ITPK1: variants seen among roughly 807,000 people sequenced by gnomAD.
ITPK1 encodes the protein inositol 1,3,4-trisphosphate 5/6-kinase.
A neutral mutation model predicts 45.3 loss-of-function variants in ITPK1; 21 were observed. The observed-to-expected ratio is 0.46, with a 90% confidence interval of 0.33 to 0.67. ITPK1 has a LOEUF of 0.67. ITPK1 is among the 30% of genes least tolerant of loss of function. ITPK1 has a pLI of 0.02. For missense variants in ITPK1, 474 were observed against 573.5 expected (o/e 0.83, Z 1.77); for synonymous variants, 258 against 253.6 (o/e 1.02, Z -0.16).
At chr14:93,035,163 C>A (rs1329796769) in intron 3 of ITPK1, among the ~76,000 whole-genome samples, 1 of 152,248 alleles carries the variant, frequency 6.6e-6, no homozygotes, top group Non-Finnish European at 1.5e-5. Flanking sequence ...GGACCTTGGT[C>A]ACATTACGTT....
chr14:93,017,492 A>G (rs190562380), intron 3 of ITPK1, among the ~76,000 whole-genome samples: 1 of 152,354 alleles, frequency 6.6e-6, no homozygotes, highest in Non-Finnish European at 1.5e-5. Flanking sequence ...TCAGGCCCCA[A>G]GAGAGCCAGA....
At chr14:93,078,861 T>C (rs1837522043) in intron 2 of ITPK1, among the ~76,000 whole-genome samples, 1 of 152,130 alleles carries the variant, frequency 6.6e-6, no homozygotes, top group South Asian at 2.1e-4. Context: ...GCAGAGGACC[T>C]TGAGGAGCCA....
rs376154416 is a variant in ITPK1, at chr14:93,056,924, T to C, written c.120+19671A>G. ...CCATGCAAGCATTTTTCAAGCATGATGTTTCAAGGCTAAAAACAGGCCCTG... is the reference window on the plus strand; with the variant it reads ...CCATGCAAGCATTTTTCAAGCATGACGTTTCAAGGCTAAAAACAGGCCCTG... On this transcript the variant is annotated intron_variant, in intron 3 of 10. Coordinates refer to ENST00000267615, the MANE Select transcript of ITPK1 (RefSeq NM_014216.6). Among the ~76,000 whole-genome samples, 17 of 152,350 alleles carry C rather than the reference T, an allele frequency of 1.1e-4. No individual in the cohort carries two copies. In the South Asian group the frequency reaches 3.3e-3, roughly 30 times the overall value.
chr14:93,059,738 T>G (rs1357068398), intron 3 of ITPK1, among the ~76,000 whole-genome samples: 1 of 15,806 alleles, frequency 6.3e-5, no homozygotes, highest in Non-Finnish European at 1.1e-4. Context: ...GAGGCAGGGG[T>G]GGAGGGGGTG....
intron 3 of ITPK1, among the ~76,000 whole-genome samples, chr14:93,075,526 G>A (rs566714572): frequency 6.6e-6 from 1 of 152,166 alleles, no homozygotes; most frequent in Admixed American, 6.5e-5. Flanking sequence ...ACTACCAGGA[G>A]GGAGGTCAGG....
chr14:93,066,633 T>G (rs1890766319), intron 3 of ITPK1, among the ~76,000 whole-genome samples: 1 of 152,138 alleles, frequency 6.6e-6, no homozygotes, highest in Non-Finnish European at 1.5e-5. Context: ...CTCGATCTCC[T>G]GACCTCATGA....
intron 2 of ITPK1, among the ~76,000 whole-genome samples, chr14:93,102,479 G>A (rs555407847): frequency 1.3e-5 from 2 of 152,276 alleles, no homozygotes; most frequent in South Asian, 2.1e-4. Context: ...AAATCTTAAA[G>A]AAAATAGGCT....
intron 2 of ITPK1, among the ~76,000 whole-genome samples, chr14:93,113,221 G>T (rs1892817950): frequency 6.6e-6 from 1 of 152,166 alleles, no homozygotes; most frequent in Non-Finnish European, 1.5e-5. Context: ...TTCAGAGAAA[G>T]TAATGCTCTA....
In ITPK1 at chr14:93,115,217, T is replaced by C; in HGVS notation, c.-54A>G. 7.6e-7 allele frequency: 1 copy of C among 1,324,018 alleles called. No homozygotes were observed. 82.0% of individuals were successfully genotyped at this position (1,324,018 alleles called of 1,614,324 possible). A position where few individuals can be genotyped will look rare whatever the true frequency, so the allele number is the denominator to read the frequency against. On this transcript the variant is annotated 5_prime_UTR_variant, in exon 2 of 11. Transcript: ENST00000267615. Reference sequence around the variant, plus strand: ...CGGAGGAAATCGCCCACAGGCCGAGTCTGGCGGCCGGCGCGCGCCGCGAGC... The same window carrying C: ...CGGAGGAAATCGCCCACAGGCCGAGCCTGGCGGCCGGCGCGCGCCGCGAGC...
At chr14:92,976,584 TTGGGC>T (rs1885953627) in intron 5 of ITPK1, among the ~76,000 whole-genome samples, 1 of 152,244 alleles carries the variant, frequency 6.6e-6, no homozygotes, top group Non-Finnish European at 1.5e-5. Flanking sequence ...ATGACATGTG[TTGGGC>T]ACTTAACACA....
chr14:93,085,460 A>C (rs974077311), intron 2 of ITPK1, among the ~76,000 whole-genome samples: 4 of 152,190 alleles, frequency 2.6e-5, no homozygotes, highest in Non-Finnish European at 5.9e-5. Context: ...CCTCAGACCC[A>C]GAACAGCTTC....
chr14:93,055,966 T>A (rs114759157), intron 3 of ITPK1, among the ~76,000 whole-genome samples: 5,132 of 152,002 alleles, frequency 0.034, 302 homozygotes, highest in African/African-American at 0.12. Context: ...GGGAGGTGAA[T>A]CAGGCAGCCT....
rs79034080 is a variant in ITPK1 at position 93,082,749 on chromosome 14, G to A, written c.96-6130C>T. On this transcript the variant is annotated intron_variant, in intron 2 of 10. Transcript: ENST00000267615. ...GCCAAGCCGGTCCTGGTCCTTTACC[G>A]GACGGGTCCTGGGGGACTGTCTGCA... Among the ~76,000 whole-genome samples, 246 of 152,342 alleles carry A rather than the reference G, an allele frequency of 1.6e-3. 4 individuals are homozygous for A. The East Asian group carries it at 0.031, about 19-fold the overall frequency.
At chr14:92,987,809 C>T (rs1174181377) in intron 5 of ITPK1, among the ~76,000 whole-genome samples, 1 of 152,192 alleles carries the variant, frequency 6.6e-6, no homozygotes, top group African/African-American at 2.4e-5. Context: ...CTCTGGGGCA[C>T]CATTTCTTCC....
At position 92,946,347 on chromosome 14, in the gene ITPK1, G is replaced by A. The variant is rs2139702760; in HGVS notation, c.885C>T (p.Asp295=). The change falls in exon 10 of 11, where the codon GAC becomes GAT. Residue 295 remains aspartate (D), a synonymous_variant. Coordinates refer to ENST00000267615, the MANE Select transcript of ITPK1 (RefSeq NM_014216.6). ...NNQTGQHAVI[D]INAFPGYEGV... ...GCCACTCACCTGGGAAGGCATTGAT[G>A]TCAATGACGGCGTGCTGCCCTGTCT... The A allele has an allele frequency of 6.2e-7, 1 of 1,613,402 alleles. No individual in the cohort carries two copies. Among genetic ancestry groups the A allele is most frequent in the African/African-American group, 1.3e-5 (1 of 75,068 alleles).
At chr14:92,995,205 T>C (rs1886990801) in intron 4 of ITPK1, among the ~76,000 whole-genome samples, 1 of 152,174 alleles carries the variant, frequency 6.6e-6, no homozygotes, top group African/African-American at 2.4e-5. Context: ...CTGTTTGTGA[T>C]ACTTGGTTGT....
At chr14:92,956,121 CTTT>C (rs5810617) in intron 8 of ITPK1, among the ~76,000 whole-genome samples, 10 of 139,156 alleles carry the variant, frequency 7.2e-5, no homozygotes, top group Admixed American at 1.4e-4. Context: ...GCTTAGTCTG[CTTT>C]TTTTTTTTTT....
intron 2 of ITPK1, among the ~76,000 whole-genome samples, chr14:93,085,649 G>A (rs1229321960): frequency 1.3e-5 from 2 of 152,188 alleles, no homozygotes; most frequent in Admixed American, 6.5e-5. Context: ...AGGAGGAAGT[G>A]AGGCGAGGGC....
chr14:92,971,852 T>C (rs1300940258), intron 5 of ITPK1, among the ~76,000 whole-genome samples: 1 of 152,204 alleles, frequency 6.6e-6, no homozygotes, highest in Non-Finnish European at 1.5e-5. Context: ...GAGAATCGTA[T>C]TGTCCAGCCC....
Sources: gnomAD v4.1 joint callset for allele counts (sites outside exome capture counted in the v4.1 genomes callset) on GRCh38, gnomAD v4.1.1 for gene constraint, MANE v1.5 for transcripts, NCBI Gene and HGNC (gene_info 2026-07-23, HGNC 2026-07-21) for gene names.